NBEA: variants seen among roughly 807,000 people sequenced by gnomAD.
The protein encoded by NBEA is lysosomal-trafficking regulator 2.
NBEA carries 44 observed loss-of-function variants against 343.4 expected under a neutral mutation model. The ratio of observed to expected loss-of-function variants is 0.13; its 90% CI spans 0.10 to 0.16. The LOEUF (loss-of-function observed/expected upper bound fraction) is 0.16. NBEA is among the 10% of genes least tolerant of loss of function. The pLI, the probability that NBEA is intolerant of heterozygous loss-of-function variation, is 1.00. For missense variants in NBEA, 2,555 were observed against 3,631.3 expected, an observed-to-expected ratio of 0.70 and a Z score of 7.62; for synonymous variants, 1,175 against 1,238.7, an observed-to-expected ratio of 0.95 and a Z score of 1.08.
intron 34 of NBEA, among the ~76,000 whole-genome samples, chr13:35,250,226 T>G (rs2152786913): frequency 6.6e-6 from 1 of 152,294 alleles, no homozygotes; most frequent in Non-Finnish European, 1.5e-5. Context: ...TACTACAATT[T>G]TAATTAAAGT....
intron 34 of NBEA, among the ~76,000 whole-genome samples, chr13:35,250,425 T>TA (rs34358988): frequency 1.1e-4 from 16 of 151,952 alleles, no homozygotes; most frequent in South Asian, 4.2e-4. Context: ...AGTAAACATG[T>TA]AAAAAAAAGT....
intron 1 of NBEA, among the ~76,000 whole-genome samples, chr13:35,022,870 C>A (rs1240902952): frequency 6.6e-6 from 1 of 152,070 alleles, no homozygotes; most frequent in African/African-American, 2.4e-5. Flanking sequence ...TAAATGTTCA[C>A]AAAATGGTGA....
chr13:34,963,844 G>T (rs1296639905), intron 1 of NBEA, among the ~76,000 whole-genome samples: 2 of 151,678 alleles, frequency 1.3e-5, no homozygotes, highest in Non-Finnish European at 2.9e-5. Flanking sequence ...AAAAATATAT[G>T]CTGCAATGTT....
chr13:35,188,165 G>T (rs1355551846), intron 30 of NBEA, among the ~76,000 whole-genome samples: 1 of 151,618 alleles, frequency 6.6e-6, no homozygotes, highest in Non-Finnish European at 1.5e-5. Context: ...TGTATTTATG[G>T]TGTACAATGT....
intron 45 of NBEA, among the ~76,000 whole-genome samples, chr13:35,567,467 G>C (rs1363002978): frequency 6.6e-6 from 1 of 152,114 alleles, no homozygotes; most frequent in East Asian, 1.9e-4. Flanking sequence ...GAGAAGATAT[G>C]GCCCAAAAGA....
intron 36 of NBEA, among the ~76,000 whole-genome samples, chr13:35,323,571 G>C: frequency 7.9e-6 from 1 of 126,552 alleles, no homozygotes; most frequent in Admixed American, 8.7e-5. Flanking sequence ...GTTGTGGGGT[G>C]GGGGGAGGGG....
intron 33 of NBEA, among the ~76,000 whole-genome samples, chr13:35,219,680 T>G (rs2074255435): frequency 6.6e-6 from 1 of 151,902 alleles, no homozygotes. Context: ...AGTACCAAGG[T>G]CGGAGAACCA....
chr13:35,657,249 T>C (rs1335656648), intron 55 of NBEA, among the ~76,000 whole-genome samples: 1 of 152,196 alleles, frequency 6.6e-6, no homozygotes, highest in East Asian at 1.9e-4. Context: ...AGAAACTAGG[T>C]GTGTTGTAAA....
chr13:34,967,019 A>G (rs1400439801), intron 1 of NBEA, among the ~76,000 whole-genome samples: 1 of 149,262 alleles, frequency 6.7e-6, no homozygotes, highest in Non-Finnish European at 1.5e-5. Flanking sequence ...ATGTCGATTC[A>G]TATTTTACTT....
intron 41 of NBEA, among the ~76,000 whole-genome samples, chr13:35,534,107 CAG>C (rs998907820): frequency 2.6e-5 from 4 of 152,126 alleles, no homozygotes; most frequent in African/African-American, 9.7e-5. Flanking sequence ...TGATAACAAA[CAG>C]AGTGATTGCC....
chr13:35,035,671 C>T (rs929210666), intron 1 of NBEA, among the ~76,000 whole-genome samples: 2 of 151,708 alleles, frequency 1.3e-5, no homozygotes, highest in African/African-American at 4.8e-5. Context: ...AATAATATTT[C>T]CTTTATATGT....
intron 40 of NBEA, among the ~76,000 whole-genome samples, chr13:35,461,699 C>G (rs554935990): frequency 1.3e-4 from 20 of 152,212 alleles, no homozygotes; most frequent in Admixed American, 3.9e-4. Context: ...GTGTCCTGGT[C>G]CTCTCCCTGA....
chr13:35,227,502 T>C (rs2074720390), intron 33 of NBEA, among the ~76,000 whole-genome samples: 1 of 152,102 alleles, frequency 6.6e-6, no homozygotes, highest in South Asian at 2.1e-4. Context: ...ATTCAATTAA[T>C]AAAAATCTAC....
At chr13:34,976,409 T>C (rs974231024) in intron 1 of NBEA, among the ~76,000 whole-genome samples, 6 of 152,046 alleles carry the variant, frequency 3.9e-5, no homozygotes, top group Non-Finnish European at 7.4e-5. Flanking sequence ...CATTGGAGTT[T>C]GGGGACTTGG....
At chr13:35,161,471 G>A (rs188492506) in intron 22 of NBEA, among the ~76,000 whole-genome samples, 4 of 152,158 alleles carry the variant, frequency 2.6e-5, no homozygotes, top group Non-Finnish European at 1.5e-5. Context: ...TGGGGTAAAG[G>A]GGTCTGGTTT....
At chr13:35,083,086 A>C (rs978363533) in intron 10 of NBEA, among the ~76,000 whole-genome samples, 1 of 152,144 alleles carries the variant, frequency 6.6e-6, no homozygotes, top group African/African-American at 2.4e-5. Flanking sequence ...ATCTTGAATT[A>C]ATTTTTATGT....
intron 38 of NBEA, among the ~76,000 whole-genome samples, chr13:35,378,951 C>G (rs748150713): frequency 6.6e-6 from 1 of 152,068 alleles, no homozygotes; most frequent in Non-Finnish European, 1.5e-5. Context: ...TTGTGACATT[C>G]ATTGATATTA....
chr13:35,439,405 G>A (rs1040123305), intron 39 of NBEA, among the ~76,000 whole-genome samples: 9 of 152,160 alleles, frequency 5.9e-5, no homozygotes, highest in Admixed American at 6.5e-5. Flanking sequence ...ATTGTCTCAA[G>A]ACTTGATTAT....
chr13:35,155,602 C>T (rs1316134325), intron 18 of NBEA, among the ~76,000 whole-genome samples, 172 bp from the exon 19 acceptor site: 1 of 152,152 alleles, frequency 6.6e-6, no homozygotes, highest in African/African-American at 2.4e-5. Flanking sequence ...ACCTGGGCAA[C>T]AAGAGTGAAA....
Sources: gnomAD v4.1 joint callset for allele counts (sites outside exome capture counted in the v4.1 genomes callset) on GRCh38, gnomAD v4.1.1 for gene constraint, MANE v1.5 for transcripts, NCBI Gene and HGNC (gene_info 2026-07-23, HGNC 2026-07-21) for gene names.